CDH13: variants seen among roughly 807,000 people sequenced by gnomAD.
CDH13 encodes cadherin 13.
Under a neutral mutation model 63.8 loss-of-function variants are expected in CDH13, and 24 were observed. The observed-to-expected ratio is 0.38, with a 90% CI of 0.27 to 0.53. The LOEUF (loss-of-function observed/expected upper bound fraction) is 0.53. Ranked by LOEUF, CDH13 falls within the 20% of genes least tolerant of loss-of-function variation. CDH13 has a pLI of 0.85. For missense variants in CDH13, 1,049 were observed against 903.1 expected (o/e 1.16, Z -2.07); for synonymous variants, 503 against 355.3 (o/e 1.42, Z -4.67).
chr16:83,733,686 C>T (rs557738143), intron 10 of CDH13, among the ~76,000 whole-genome samples: 9 of 152,282 alleles, frequency 5.9e-5, no homozygotes, highest in Non-Finnish European at 1.2e-4. Flanking sequence ...CATGGTGTGT[C>T]GGTTAATCAC....
rs892412692 is a variant in CDH13 at position 82,985,830 on chromosome 16, G to C, written c.158-46180G>C. The stretch of plus-strand genomic sequence containing the variant: ...CTTGGTACTGTTCTCATGATAGTGA[G>C]TGAGTTCTTATGAGATCTGGTCGTT... On this transcript the variant is annotated intron_variant, in intron 2 of 13. Transcript: ENST00000567109. Among the ~76,000 whole-genome samples the C allele has an allele frequency of 2.6e-5, 4 of 152,162 alleles. No individual in the cohort carries two copies. The East Asian group carries it at 7.7e-4, about 29-fold the overall frequency.
chr16:83,186,080 T>TTTTTATTTTATTTTA lies in CDH13; in HGVS notation c.484-31206_484-31192dup, dbSNP rs61089666. ...AAATTGTATTATTTTTAAAGGCATC[T>TTTTTATTTTATTTTA]TTTTATTTTATTTTATTTTATTTTA... On this transcript the variant is annotated intron_variant, in intron 4 of 13. Coordinates refer to ENST00000567109, the MANE Select transcript of CDH13 (RefSeq NM_001257.5). Among the ~76,000 whole-genome samples, 1,038 of 109,984 alleles carry TTTTTATTTTATTTTA rather than the reference T, an allele frequency of 9.4e-3. 30 individuals are homozygous for TTTTTATTTTATTTTA. The highest frequency in any genetic ancestry group is 0.031 in the East Asian group (107 of 3,424). 72.2% of individuals were successfully genotyped at this position (109,984 alleles called of 152,430 possible). A position where few individuals can be genotyped will look rare whatever the true frequency, so the allele number is the denominator to read the frequency against.
intron 3 of CDH13, among the ~76,000 whole-genome samples, chr16:83,118,157 T>A (rs1197040445): frequency 3.3e-5 from 5 of 152,030 alleles, no homozygotes; most frequent in Non-Finnish European, 7.4e-5. Context: ...GAGACTGCTG[T>A]GGGGGGAATC....
At chr16:83,716,636 ACCACAC>A (rs974421331) in intron 10 of CDH13, among the ~76,000 whole-genome samples, 1 of 152,038 alleles carries the variant, frequency 6.6e-6, no homozygotes, top group African/African-American at 2.4e-5. Context: ...GGCACGTGCC[ACCACAC>A]CCGGTTAATT....
chr16:83,631,940 A>G (rs1047787587), intron 8 of CDH13, among the ~76,000 whole-genome samples: 1 of 152,200 alleles, frequency 6.6e-6, no homozygotes, highest in African/African-American at 2.4e-5. Context: ...CAGCTGAGCA[A>G]AGTCATGAGA....
intron 1 of CDH13, among the ~76,000 whole-genome samples, chr16:82,731,517 T>C (rs998754336): frequency 6.6e-6 from 1 of 152,206 alleles, no homozygotes; most frequent in Non-Finnish European, 1.5e-5. Flanking sequence ...AAAAGTATTT[T>C]GGGATTCAGC....
chr16:83,301,025 GTTTTTTTTT>G (rs3052591), intron 5 of CDH13, among the ~76,000 whole-genome samples: 1 of 78,756 alleles, frequency 1.3e-5, no homozygotes. Flanking sequence ...ACTTTCTGGG[GTTTTTTTTT>G]TTTTTTTTTT....
At chr16:82,703,624 T>C (rs1242523084) in intron 1 of CDH13, among the ~76,000 whole-genome samples, 1 of 152,154 alleles carries the variant, frequency 6.6e-6, no homozygotes, top group Admixed American at 6.5e-5. Flanking sequence ...ATAAGCTACT[T>C]ACATTCGAGA....
chr16:83,070,279 C>G (rs924726467), intron 3 of CDH13, among the ~76,000 whole-genome samples: 2 of 152,298 alleles, frequency 1.3e-5, no homozygotes, highest in African/African-American at 4.8e-5. Context: ...AAGCCACTAT[C>G]AACTTGATAC....
At chr16:82,963,717 A>G (rs922859765) in intron 2 of CDH13, among the ~76,000 whole-genome samples, 1 of 152,196 alleles carries the variant, frequency 6.6e-6, no homozygotes, top group South Asian at 2.1e-4. Context: ...CCCAGTGTAC[A>G]GTAAGCAGTC....
intron 4 of CDH13, among the ~76,000 whole-genome samples, chr16:83,164,024 C>T (rs1255092277): frequency 1.3e-5 from 2 of 151,934 alleles, no homozygotes; most frequent in African/African-American, 2.4e-5. Flanking sequence ...ATCACACCAA[C>T]ACTATAAAAA....
Position 83,798,644 on chromosome 16 carries a change from C to T in CDH13, c.*3614C>T, listed in dbSNP as rs1472539731. On this transcript the variant is annotated 3_prime_UTR_variant, in exon 14 of 14. Transcript: ENST00000567109. ...TTCTTCCGACAACATCACAATGCCA[C>T]TCTCAACCCAGGAGCAAAACCAGAC... 6.6e-6 allele frequency: 1 copy of T among 152,208 alleles called. No homozygotes were observed. The highest frequency in any genetic ancestry group is 1.5e-5 in the Non-Finnish European group (1 of 68,056). The allele number at this position is 152,208 out of a possible 1,614,324, so 9.4% of individuals were successfully genotyped here.
chr16:83,125,828 G>A (rs974282700), intron 4 of CDH13, among the ~76,000 whole-genome samples: 1 of 152,080 alleles, frequency 6.6e-6, no homozygotes, highest in African/African-American at 2.4e-5. Context: ...GGGCCCCCTA[G>A]GATGGTAGTA....
chr16:82,667,975 T>A (rs1912801328), intron 1 of CDH13, among the ~76,000 whole-genome samples: 1 of 152,166 alleles, frequency 6.6e-6, no homozygotes, highest in Admixed American at 6.5e-5. Context: ...CAGGTTCTCG[T>A]CTCTACTTGA....
chr16:83,718,139 C>T (rs1048438375), intron 10 of CDH13, among the ~76,000 whole-genome samples: 4 of 152,278 alleles, frequency 2.6e-5, no homozygotes, highest in Admixed American at 2.0e-4. Context: ...AAAATACCAG[C>T]GGGAGAGCAG....
chr16:82,886,336 G>C (rs1284592249), intron 2 of CDH13, among the ~76,000 whole-genome samples: 1 of 152,176 alleles, frequency 6.6e-6, no homozygotes, highest in African/African-American at 2.4e-5. Context: ...ACAGTGCCTG[G>C]TGTTTGCATT....
intron 3 of CDH13, among the ~76,000 whole-genome samples, chr16:83,073,421 CAG>C (rs925786130): frequency 7.3e-5 from 11 of 150,432 alleles, no homozygotes; most frequent in African/African-American, 2.7e-4. Flanking sequence ...TTATATTAAA[CAG>C]AATATTGGAA....
intron 6 of CDH13, among the ~76,000 whole-genome samples, chr16:83,401,246 G>A (rs2091963799): frequency 6.6e-6 from 1 of 151,996 alleles, no homozygotes; most frequent in African/African-American, 2.4e-5. Flanking sequence ...GGCTGAGGCA[G>A]GAGAATCGCT....
At chr16:83,307,845 G>A (rs747972803) in intron 5 of CDH13, among the ~76,000 whole-genome samples, 11 of 152,068 alleles carry the variant, frequency 7.2e-5, no homozygotes, top group African/African-American at 1.2e-4. Context: ...ATTATTTGCC[G>A]GTAATATGCG....
Sources: allele counts gnomAD v4.1 joint callset (sites outside exome capture counted in the v4.1 genomes callset), GRCh38; gene constraint gnomAD v4.1.1; transcripts MANE v1.5; gene names NCBI Gene and HGNC (gene_info 2026-07-23, HGNC 2026-07-21).